Variants in CELF2 observed in about 807,000 individuals in gnomAD.
CELF2 encodes CUGBP Elav-like family member 2, also known as CUG triplet repeat RNA-binding protein 2.
CELF2 carries 8 observed loss-of-function variants against 62.6 expected under a neutral mutation model. The ratio of observed to expected loss-of-function variants is 0.13; its 90% CI spans 0.07 to 0.23. CELF2 has a LOEUF of 0.23. CELF2 is among the 10% of genes least tolerant of loss of function. The probability of loss-of-function intolerance (pLI) is 1.00; values close to 1 mark genes in which losing one functional copy is unlikely to be tolerated. For synonymous variants in CELF2, 258 were observed against 250.0 expected (o/e 1.03, Z -0.30); for missense variants, 333 against 671.0 (o/e 0.50, Z 5.56).
the CELF2 span, among the ~76,000 whole-genome samples, chr10:10,566,228 C>T: frequency 3.3e-5 from 5 of 151,844 alleles, no homozygotes; most frequent in Non-Finnish European, 5.9e-5. Context: ...ACCATAATCT[C>T]TCTAGATGGG....
chr10:10,988,081 C>T (rs996763492), intron 2 of CELF2, among the ~76,000 whole-genome samples: 1 of 152,052 alleles, frequency 6.6e-6, no homozygotes, highest in Non-Finnish European at 1.5e-5. Flanking sequence ...GTGGATCTAC[C>T]ATTCAATCCA....
chr10:10,932,562 G>C (rs1395074761), intron 2 of CELF2, among the ~76,000 whole-genome samples: 1 of 152,030 alleles, frequency 6.6e-6, no homozygotes, highest in Non-Finnish European at 1.5e-5. Flanking sequence ...TAATAAATTA[G>C]TTAATTAAAT....
chr10:10,558,303 T>C, the CELF2 span, among the ~76,000 whole-genome samples: 1 of 151,918 alleles, frequency 6.6e-6, no homozygotes. Flanking sequence ...CATGTGTTTT[T>C]TGTCTTTGGT....
At chr10:11,051,783 A>G (rs563043138) in intron 1 of CELF2, among the ~76,000 whole-genome samples, 3 of 152,244 alleles carry the variant, frequency 2.0e-5, no homozygotes, top group African/African-American at 7.2e-5. Context: ...TTTGAGCTTC[A>G]TATAAAATAC....
At chr10:10,703,456 A>G in the CELF2 span, among the ~76,000 whole-genome samples, 55 of 152,206 alleles carry the variant, frequency 3.6e-4, no homozygotes, top group Non-Finnish European at 7.1e-4. Flanking sequence ...TCCAGGATCC[A>G]GATAGATCCT....
chr10:11,142,190 A>G (rs1160570450), intron 1 of CELF2, among the ~76,000 whole-genome samples: 12 of 152,256 alleles, frequency 7.9e-5, no homozygotes. Context: ...TGTATCTTGA[A>G]TGATAACTTG....
chr10:11,043,564 T>A (rs908297397), intron 1 of CELF2, among the ~76,000 whole-genome samples: 1 of 152,098 alleles, frequency 6.6e-6, no homozygotes, highest in African/African-American at 2.4e-5. Context: ...GACTTCCGTG[T>A]CCTGAATCAA....
chr10:11,236,924 G>T (rs2071586935), intron 3 of CELF2, among the ~76,000 whole-genome samples: 2 of 152,154 alleles, frequency 1.3e-5, no homozygotes, highest in Admixed American at 6.6e-5. Context: ...TGCGAAATAG[G>T]CCTGAAAAGA....
Position 11,025,248 on chromosome 10 carries a change from T to A in CELF2, c.74+7085T>A, listed in dbSNP as rs1373488979. Among the ~76,000 whole-genome samples, 26 of 151,998 alleles carry A rather than the reference T, an allele frequency of 1.7e-4. 1 individual carries two copies. The East Asian group carries it at 4.4e-3, about 26-fold the overall frequency. ...GTGTGTGTGTGTGTGTGTATATGTA[T>A]GTGACTGTATATCTGGAAAGTCATC... On this transcript the variant is annotated intron_variant, in intron 1 of 12. Transcript: ENST00000633077.
chr10:11,017,887 A>C lies in CELF2; in HGVS notation c.-203A>C, dbSNP rs1564386321. 22 of 935,572 alleles carry C rather than the reference A, an allele frequency of 2.4e-5. No homozygotes were observed. Among genetic ancestry groups the C allele is most frequent in the African/African-American group, 3.6e-5 (2 of 55,760 alleles). 58.0% of individuals were successfully genotyped at this position (935,572 alleles called of 1,614,324 possible). On this transcript the variant is annotated 5_prime_UTR_variant, in exon 1 of 13. Transcript: ENST00000633077. The surrounding 1 kb of genome is among the most constrained non-coding windows in gnomAD (Gnocchi z 5.5). ...CGCGAGCTCCGCCCCCGCCCGCCGC[A>C]CCTGGCGCTCGGCAGCCGGCCGCCC...
chr10:10,623,348 C>T, the CELF2 span, among the ~76,000 whole-genome samples: 1 of 152,124 alleles, frequency 6.6e-6, no homozygotes, highest in East Asian at 1.9e-4. Context: ...GGGCAGTTGG[C>T]AAGTTGATTG....
chr10:11,309,970 T>C lies in CELF2; in HGVS notation c.977-4169T>C, dbSNP rs960044382. 1.3e-5 allele frequency among the ~76,000 whole-genome samples: 2 copies of C among 152,236 alleles called. No homozygotes were observed. Among genetic ancestry groups the C allele is most frequent in the Non-Finnish European group, 1.5e-5 (1 of 68,048 alleles). On this transcript the variant is annotated intron_variant, in intron 9 of 12. Transcript: ENST00000633077. The surrounding 1 kb of genome is among the most constrained non-coding windows in gnomAD (Gnocchi z 5.6). The stretch of plus-strand genomic sequence containing the variant: ...GGGCAGTGGCCTGCTTTTCTGTGAA[T>C]GACACCTCTGGTCTACAGGAAGGGT...
the CELF2 span, among the ~76,000 whole-genome samples, chr10:10,499,706 T>C: frequency 6.6e-6 from 1 of 152,272 alleles, no homozygotes; most frequent in African/African-American, 2.4e-5. Context: ...GGTGAAATCC[T>C]ATCTCCACTA....
the CELF2 span, among the ~76,000 whole-genome samples, chr10:10,625,748 C>T: frequency 6.6e-6 from 1 of 152,198 alleles, no homozygotes; most frequent in African/African-American, 2.4e-5. Context: ...ATCCATCCCT[C>T]ATTGAAGAGG....
Position 11,005,368 on chromosome 10 carries a change from G to C in CELF2, c.-20G>C, listed in dbSNP as rs1372831393. 2 of 1,613,608 alleles carry C rather than the reference G, an allele frequency of 1.2e-6. No homozygotes were observed. Among genetic ancestry groups the C allele is most frequent in the Non-Finnish European group, 1.7e-6 (2 of 1,179,764 alleles). ...GCATACTTCTGAACTGGCTTTTGTT[G>C]AGACTATCAGTATAGAAGCATGCGC... On this transcript the variant is annotated 5_prime_UTR_variant, in exon 1 of 13. Transcript: ENST00000416382. This position sits in a 1 kb window ranked among gnomAD's most constrained non-coding sequence, Gnocchi z 4.3.
At chr10:10,538,792 C>T in the CELF2 span, among the ~76,000 whole-genome samples, 2 of 152,200 alleles carry the variant, frequency 1.3e-5, no homozygotes, top group Admixed American at 1.3e-4. Flanking sequence ...TGTGACTGTT[C>T]TTTGTTACAC....
intron 2 of CELF2, among the ~76,000 whole-genome samples, chr10:11,201,087 T>G (rs1339615689): frequency 5.3e-5 from 8 of 152,240 alleles, no homozygotes; most frequent in Admixed American, 5.2e-4. Flanking sequence ...TCTAATTTTC[T>G]GAAACGAAAT....
At chr10:10,729,627 A>T in the CELF2 span, among the ~76,000 whole-genome samples, 11 of 152,194 alleles carry the variant, frequency 7.2e-5, 1 homozygote, top group Middle Eastern at 3.4e-3. Flanking sequence ...AAACAAAAAA[A>T]AATTAGCCAG....
At chr10:10,629,342 G>T in the CELF2 span, among the ~76,000 whole-genome samples, 1 of 152,142 alleles carries the variant, frequency 6.6e-6, no homozygotes, top group African/African-American at 2.4e-5. Context: ...ATAGCTTCAA[G>T]TTAAGATTTT....
Sources: allele counts gnomAD v4.1 joint callset (sites outside exome capture counted in the v4.1 genomes callset), GRCh38; gene constraint gnomAD v4.1.1; non-coding constraint Gnocchi (gnomAD v3.1); transcripts MANE v1.5; gene names NCBI Gene and HGNC (gene_info 2026-07-23, HGNC 2026-07-21).